ESRRG: variants seen among roughly 807,000 people sequenced by gnomAD.
The protein encoded by ESRRG is estrogen-related receptor gamma.
ESRRG carries 13 observed loss-of-function variants against 44.0 expected under a neutral mutation model. The observed-to-expected ratio is 0.30, with a 90% CI of 0.19 to 0.47. ESRRG has a LOEUF of 0.47. Among genes scored for constraint, ESRRG ranks in the 20% least tolerant of loss-of-function variants. ESRRG has a pLI of 1.00. For synonymous variants in ESRRG, 215 were observed against 214.6 expected (o/e 1.00, Z -0.02); for missense variants, 395 against 580.6 (o/e 0.68, Z 3.29).
chr1:216,900,025 C>T (rs549624959), intron 2 of ESRRG, among the ~76,000 whole-genome samples: 2 of 152,156 alleles, frequency 1.3e-5, no homozygotes, highest in African/African-American at 2.4e-5. Flanking sequence ...TTTCCTTCAT[C>T]CCTCGCTTTT....
chr1:216,797,139 C>G (rs376226301), intron 2 of ESRRG, among the ~76,000 whole-genome samples: 26 of 152,252 alleles, frequency 1.7e-4, no homozygotes, highest in African/African-American at 3.9e-4. Context: ...ACCCACCTGC[C>G]TTGGCCTTTC....
At chr1:216,988,489 A>G (rs1389046001) in intron 1 of ESRRG, among the ~76,000 whole-genome samples, 1 of 152,174 alleles carries the variant, frequency 6.6e-6, no homozygotes, top group African/African-American at 2.4e-5. Context: ...TAGCTGCTAC[A>G]TGGGTCTCCT....
intron 1 of ESRRG, among the ~76,000 whole-genome samples, chr1:217,048,039 G>A (rs771783566): frequency 3.3e-5 from 5 of 152,172 alleles, no homozygotes; most frequent in African/African-American, 7.2e-5. Context: ...CATCTAAAGA[G>A]TCTTTCTCTC....
At chr1:216,879,190 G>T (rs915175328) in intron 2 of ESRRG, among the ~76,000 whole-genome samples, 8 of 152,068 alleles carry the variant, frequency 5.3e-5, no homozygotes, top group African/African-American at 7.3e-5. Context: ...ATCTGTCTTT[G>T]TCTCTAAATA....
chr1:216,798,691 G>A (rs1010826313), intron 2 of ESRRG, among the ~76,000 whole-genome samples: 13 of 152,172 alleles, frequency 8.5e-5, no homozygotes, highest in African/African-American at 3.1e-4. Flanking sequence ...GCTTGGCTCA[G>A]AGTAGGGATT....
intron 5 of ESRRG, among the ~76,000 whole-genome samples, chr1:216,534,660 C>T (rs2050392086): frequency 6.6e-6 from 1 of 152,168 alleles, no homozygotes; most frequent in African/African-American, 2.4e-5. Flanking sequence ...TGCAACTATT[C>T]TGCTTAACGT....
intron 1 of ESRRG, among the ~76,000 whole-genome samples, chr1:217,010,762 G>C (rs530321795): frequency 2.0e-5 from 3 of 152,232 alleles, no homozygotes; most frequent in African/African-American, 7.2e-5. Flanking sequence ...GAATAAAACA[G>C]GCAAAGACCA....
intron 2 of ESRRG, among the ~76,000 whole-genome samples, chr1:216,660,179 A>G (rs1412763186): frequency 6.6e-6 from 1 of 152,200 alleles, no homozygotes; most frequent in South Asian, 2.1e-4. Flanking sequence ...GTAAGGACTT[A>G]TCTATTATCA....
intron 1 of ESRRG, among the ~76,000 whole-genome samples, chr1:216,962,984 C>T (rs984757786): frequency 2.0e-5 from 3 of 152,132 alleles, no homozygotes; most frequent in African/African-American, 4.8e-5. Context: ...GAGACCCATA[C>T]GTGTCACTTA....
At chr1:216,762,897 T>C (rs2092873969) in intron 2 of ESRRG, among the ~76,000 whole-genome samples, 1 of 152,036 alleles carries the variant, frequency 6.6e-6, no homozygotes, top group Admixed American at 6.6e-5. Flanking sequence ...CCCTGGATTA[T>C]TATTCATATG....
intron 5 of ESRRG, among the ~76,000 whole-genome samples, chr1:216,529,989 G>T (rs763419922): frequency 4.0e-5 from 6 of 151,544 alleles, no homozygotes; most frequent in Non-Finnish European, 8.8e-5. Flanking sequence ...GCATGGGTAT[G>T]TATTCCCAGC....
intron 1 of ESRRG, among the ~76,000 whole-genome samples, chr1:216,946,760 C>T (rs1013924008): frequency 4.0e-5 from 6 of 151,812 alleles, no homozygotes; most frequent in South Asian, 2.1e-4. Flanking sequence ...TCTGTCACCA[C>T]GGCTGGAGTG....
intron 1 of ESRRG, among the ~76,000 whole-genome samples, chr1:216,969,557 C>T (rs1296189834): frequency 6.6e-6 from 1 of 152,102 alleles, no homozygotes; most frequent in Non-Finnish European, 1.5e-5. Context: ...TTAGGAACCA[C>T]ATTTTGGACT....
upstream of ESRRG, chr1:216,723,557 G>T (rs575259367): frequency 2.0e-6 from 1 of 498,062 alleles, no homozygotes; most frequent in South Asian, 2.5e-5. Flanking sequence ...AATCAGGAGG[G>T]AGGCGACGGG....
rs959174783 is a variant in ESRRG at position 216,504,640 on chromosome 1, C to T, written c.*2299G>A. 3 of 152,466 alleles carry T rather than the reference C, an allele frequency of 2.0e-5. No individual in the cohort carries two copies. The highest frequency in any genetic ancestry group is 1.9e-4 in the East Asian group (1 of 5,194). 9.4% of individuals were successfully genotyped at this position (152,466 alleles called of 1,614,324 possible). A position where few individuals can be genotyped will look rare whatever the true frequency, so the allele number is the denominator to read the frequency against. On this transcript the variant is annotated 3_prime_UTR_variant, in exon 7 of 7. Coordinates refer to ENST00000408911, the MANE Select transcript of ESRRG (RefSeq NM_001438.4). ...CAAAAAGTTTTGCAACAACACAGAG[C>T]GAGTTAATAACAACATCTGAGAGAT...
chr1:216,741,961 TC>T lies in ESRRG; in HGVS notation c.-13-64471del, dbSNP rs542952717. 1.4e-3 allele frequency among the ~76,000 whole-genome samples: 214 copies of T among 152,298 alleles called. 1 individual carries two copies. Among genetic ancestry groups the T allele is most frequent in the African/African-American group, 4.9e-3 (204 of 41,574 alleles). The stretch of plus-strand genomic sequence containing the variant: ...GTCTCTCTCCCTCTGTTTTTCTGCT[TC>T]TTTCTAATTCATTCTATATGCCATT... On this transcript the variant is annotated intron_variant, in intron 2 of 7. Transcript: ENST00000359162.
In ESRRG at chr1:216,901,070, T is replaced by C. The variant is rs2059012536; in HGVS notation, c.-14+38512A>G. Among the ~76,000 whole-genome samples, 5 of 152,068 alleles carry C rather than the reference T, an allele frequency of 3.3e-5. No homozygotes were observed. The South Asian group carries it at 1.0e-3, about 32-fold the overall frequency. On this transcript the variant is annotated intron_variant, in intron 2 of 7. Transcript: ENST00000359162. ...TGCTGGGGGTTGCTTCTTAACCCTG[T>C]GATGATGTGCCTATGTTAACAAAAC...
chr1:217,025,912 C>T (rs2081109575), intron 1 of ESRRG, among the ~76,000 whole-genome samples: 1 of 152,088 alleles, frequency 6.6e-6, no homozygotes, highest in Non-Finnish European at 1.5e-5. Flanking sequence ...TTTCTATTGT[C>T]TCTTTTATAC....
intron 2 of ESRRG, among the ~76,000 whole-genome samples, chr1:216,933,332 C>T (rs1484927790): frequency 6.6e-6 from 1 of 152,114 alleles, no homozygotes; most frequent in East Asian, 1.9e-4. Flanking sequence ...CTAATGTAGC[C>T]CTGCCTTCTC....
Sources: allele counts gnomAD v4.1 joint callset (sites outside exome capture counted in the v4.1 genomes callset), GRCh38; gene constraint gnomAD v4.1.1; transcripts MANE v1.5; gene names NCBI Gene and HGNC (gene_info 2026-07-23, HGNC 2026-07-21).